SGCE: variants seen among roughly 807,000 people sequenced by gnomAD.
The protein encoded by SGCE is sarcoglycan epsilon.
In SGCE, 26 loss-of-function variants were observed where a neutral mutation model predicts 57.8. That is an observed-to-expected ratio of 0.45 (90% CI 0.33 to 0.62). The LOEUF (loss-of-function observed/expected upper bound fraction) is 0.62. Ranked by LOEUF, SGCE falls within the 20% of genes least tolerant of loss-of-function variation. The pLI is 0.02. For missense variants in SGCE, 468 were observed against 548.6 expected (o/e 0.85, Z 1.47); for synonymous variants, 183 against 189.5 (o/e 0.97, Z 0.28).
At chr7:94,634,819 G>A (rs892251497) in intron 1 of SGCE, among the ~76,000 whole-genome samples, 1 of 152,174 alleles carries the variant, frequency 6.6e-6, no homozygotes, top group Admixed American at 6.5e-5. Flanking sequence ...GATGGCAGCA[G>A]AAACTCTGTT....
chr7:94,595,996 T>C (rs1798346171), intron 9 of SGCE, among the ~76,000 whole-genome samples: 1 of 152,176 alleles, frequency 6.6e-6, no homozygotes. Context: ...CAATTATCTG[T>C]GTACCCTATT....
intron 1 of SGCE, among the ~76,000 whole-genome samples, chr7:94,652,348 C>CA (rs1584789107): frequency 6.6e-6 from 1 of 151,452 alleles, no homozygotes; most frequent in South Asian, 2.1e-4. Flanking sequence ...GGATAATTAG[C>CA]AAAAAAGAAA....
chr7:94,620,205 T>G (rs1802546183), intron 4 of SGCE: 2 of 152,214 alleles, frequency 1.3e-5, no homozygotes. Context: ...AAGCATCCTA[T>G]TAAAGGACAT....
intron 10 of SGCE, chr7:94,587,601 G>A: frequency 7.2e-7 from 1 of 1,381,082 alleles, no homozygotes; most frequent in Non-Finnish European, 9.3e-7. Flanking sequence ...TTATAACAAA[G>A]TTTGTTCCTT....
At chr7:94,588,167 T>C (rs1379990034) in intron 10 of SGCE, 4 of 1,101,558 alleles carry the variant, frequency 3.6e-6, no homozygotes, top group Non-Finnish European at 4.4e-6. Flanking sequence ...CTTAGGGAAA[T>C]AGAATAATCC....
chr7:94,608,765 C>A (rs1288717134), intron 5 of SGCE, among the ~76,000 whole-genome samples: 1 of 152,036 alleles, frequency 6.6e-6, no homozygotes, highest in African/African-American at 2.4e-5. Flanking sequence ...AGAAATAGAC[C>A]CACATAAATC....
chr7:94,615,367 TAGATAGA>T (rs1257424363), intron 5 of SGCE, among the ~76,000 whole-genome samples: 3 of 1,624 alleles, frequency 1.8e-3, no homozygotes, highest in Non-Finnish European at 1.0e-3. Flanking sequence ...TCAAAATAAA[TAGATAGA>T]TAGATAGATA....
chr7:94,633,145 C>T (rs761102759), intron 1 of SGCE, among the ~76,000 whole-genome samples: 7 of 151,928 alleles, frequency 4.6e-5, no homozygotes, highest in African/African-American at 9.7e-5. Flanking sequence ...CAATCTTCTA[C>T]GGCTGCAAAT....
chr7:94,605,438 A>G (rs919447741), intron 5 of SGCE, among the ~76,000 whole-genome samples: 13 of 152,186 alleles, frequency 8.5e-5, no homozygotes, highest in Non-Finnish European at 1.9e-4. Context: ...GCAACAATCT[A>G]TTCACCATAT....
chr7:94,599,873 C>T (rs1798946329), intron 7 of SGCE, 150 bp from the exon 8 acceptor site: 1 of 679,322 alleles, frequency 1.5e-6, no homozygotes, highest in Admixed American at 2.1e-5. Context: ...AGGTTTATGA[C>T]ATTGCTTGGA....
chr7:94,633,212 T>C (rs1436986095), intron 1 of SGCE, among the ~76,000 whole-genome samples: 1 of 151,296 alleles, frequency 6.6e-6, no homozygotes, highest in Non-Finnish European at 1.5e-5. Context: ...AAACTATGGG[T>C]GGTTAAATCC....
chr7:94,623,722 G>T, intron 3 of SGCE: 1 of 397,292 alleles, frequency 2.5e-6, no homozygotes, highest in South Asian at 1.3e-4. Flanking sequence ...ACTTACCAGT[G>T]ATGTTCTAAG....
chr7:94,609,201 TTAAAACA>T (rs1432590600), intron 5 of SGCE, among the ~76,000 whole-genome samples: 5 of 152,274 alleles, frequency 3.3e-5, no homozygotes, highest in African/African-American at 1.2e-4. Flanking sequence ...CAAAAAACAC[TTAAAACA>T]TAAAACAACA....
At chr7:94,588,961 C>T (rs1797276180) in intron 9 of SGCE, 1 of 541,094 alleles carries the variant, frequency 1.8e-6, no homozygotes, top group Non-Finnish European at 3.3e-6. Flanking sequence ...GCGGGCTATA[C>T]TCTAAAGTAC....
chr7:94,607,941 CAGAA>C (rs562293039), intron 5 of SGCE, among the ~76,000 whole-genome samples: 106 of 152,236 alleles, frequency 7.0e-4, no homozygotes, highest in Admixed American at 2.3e-3. Context: ...CCTTCCAAAA[CAGAA>C]AGCATCAAAA....
chr7:94,613,188 A>T (rs1584605674), intron 5 of SGCE, among the ~76,000 whole-genome samples: 2 of 152,338 alleles, frequency 1.3e-5, no homozygotes, highest in South Asian at 4.1e-4. Flanking sequence ...AAGTTTTTTT[A>T]AAAAGTATAT....
chr7:94,644,622 C>G lies in SGCE; in HGVS notation c.109+11368G>C, dbSNP rs1204512685. 2.3e-6 allele frequency: 3 copies of G among 1,283,764 alleles called. No homozygotes were observed. In the African/African-American group the frequency reaches 4.6e-5, roughly 20 times the overall value. 79.5% of individuals were successfully genotyped at this position (1,283,764 alleles called of 1,614,324 possible). On this transcript the variant is annotated intron_variant, in intron 1 of 10. Transcript: ENST00000648936. ...CATACTCACCTTAAAAGCAAACTGT[C>G]AAGTCTTTCTCTGTCCACTACTTCA...
intron 1 of SGCE, among the ~76,000 whole-genome samples, chr7:94,651,485 A>G (rs944592443): frequency 1.7e-4 from 26 of 152,244 alleles, no homozygotes; most frequent in African/African-American, 6.0e-4. Flanking sequence ...TCCCGCTCAC[A>G]CAGCAATACT....
chr7:94,610,204 G>A (rs1273323984), intron 5 of SGCE, among the ~76,000 whole-genome samples: 1 of 152,204 alleles, frequency 6.6e-6, no homozygotes, highest in Middle Eastern at 3.2e-3. Context: ...AAGTTGGGGG[G>A]AAGGAGGGAT....
Sources: allele counts gnomAD v4.1 joint callset (sites outside exome capture counted in the v4.1 genomes callset), GRCh38; gene constraint gnomAD v4.1.1; transcripts MANE v1.5; gene names NCBI Gene and HGNC (gene_info 2026-07-23, HGNC 2026-07-21).